The following TANC1 variants were observed in gnomAD, a reference collection of about 807,000 sequenced individuals.
TANC1 encodes the protein protein TANC1.
A neutral mutation model predicts 149.7 loss-of-function variants in TANC1; 77 were observed. That is an observed-to-expected ratio of 0.51 (90% CI 0.43 to 0.62). The LOEUF is 0.62. TANC1 is among the 20% of genes least tolerant of loss of function. The pLI, the probability that TANC1 is intolerant of heterozygous loss-of-function variation, is 0.00. For missense variants in TANC1, 1,985 were observed against 2,321.8 expected, an observed-to-expected ratio of 0.85 and a Z score of 2.98; for synonymous variants, 854 against 925.0, an observed-to-expected ratio of 0.92 and a Z score of 1.39.
intron 2 of TANC1, among the ~76,000 whole-genome samples, chr2:159,062,406 AAGG>A (rs1298202696): frequency 6.6e-6 from 1 of 152,216 alleles, no homozygotes; most frequent in African/African-American, 2.4e-5. Context: ...CTGTGTCAGA[AAGG>A]CTGGTTTGCA....
rs2060371548 is a variant in TANC1, at chr2:159,232,579, G to A, written c.*1567G>A. On this transcript the variant is annotated 3_prime_UTR_variant, in exon 27 of 27. Transcript: ENST00000263635. The stretch of plus-strand genomic sequence containing the variant: ...GGCTTATTTATTTTCTTTAATATTT[G>A]TGAAAGTCTTACTCCTTTGTTAGTT... 1 of 152,428 alleles carries A rather than the reference G, an allele frequency of 6.6e-6. No homozygotes were observed. The highest frequency in any genetic ancestry group is 2.1e-4 in the South Asian group (1 of 4,824). The allele number at this position is 152,428 out of a possible 1,614,324, so 9.4% of individuals were successfully genotyped here. A position where few individuals can be genotyped will look rare whatever the true frequency, so the allele number is the denominator to read the frequency against.
intron 2 of TANC1, among the ~76,000 whole-genome samples, chr2:159,042,184 TAGG>T (rs1553524451): frequency 6.6e-6 from 1 of 152,092 alleles, no homozygotes; most frequent in African/African-American, 2.4e-5. Flanking sequence ...TAAACAGACT[TAGG>T]AGGAGGAGAG....
chr2:158,969,609 C>A (rs989675019), intron 1 of TANC1, among the ~76,000 whole-genome samples: 2 of 152,200 alleles, frequency 1.3e-5, no homozygotes, highest in African/African-American at 4.8e-5. Flanking sequence ...TGCGGGGCTC[C>A]CGGCTTTGGC....
intron 2 of TANC1, among the ~76,000 whole-genome samples, chr2:159,012,230 AAAC>A (rs2037842204): frequency 1.3e-5 from 2 of 152,230 alleles, no homozygotes; most frequent in Admixed American, 1.3e-4. Context: ...GATTAAAAAC[AAAC>A]AACAACAAAA....
At chr2:159,197,626 CACAG>C (rs1394027972) in intron 18 of TANC1, among the ~76,000 whole-genome samples, 96 of 143,818 alleles carry the variant, frequency 6.7e-4, no homozygotes, top group Middle Eastern at 3.6e-3. Flanking sequence ...CACACACACA[CACAG>C]AGAGATACTG....
At chr2:159,206,581 G>A (rs2058622189) in intron 19 of TANC1, among the ~76,000 whole-genome samples, 1 of 152,206 alleles carries the variant, frequency 6.6e-6, no homozygotes, top group African/African-American at 2.4e-5. Context: ...CATTTTTCTA[G>A]TGAGTGATTC....
intron 1 of TANC1, among the ~76,000 whole-genome samples, chr2:158,969,045 CCCCGCGCCGG>C (rs2032407124): frequency 6.6e-6 from 1 of 152,140 alleles, no homozygotes; most frequent in Non-Finnish European, 1.5e-5. Flanking sequence ...TGCGCGGTTC[CCCCGCGCCGG>C]ACCGAGCCGG....
Position 159,172,219 on chromosome 2 carries a change from A to G in TANC1, c.1450A>G (p.Ser484Gly), listed in dbSNP as rs541175824. The G allele has an allele frequency of 6.2e-7, 1 of 1,614,184 alleles. No homozygotes were observed. Among genetic ancestry groups the G allele is most frequent in the African/African-American group, 1.3e-5 (1 of 75,062 alleles). Residue 484 changes from serine to glycine, a missense_variant, in exon 11 of 27, where the codon AGT becomes GGT. Around this residue, in one of 3 missense-constraint regions of TANC1, gnomAD observed 557 missense variants for 612.9 expected, o/e 0.91. Transcript: ENST00000263635. Reference sequence around the variant, plus strand: ...AGCTAAAACACCTCTTGGGTCTATCAGTGCTGAAAACCAGAGACCAAGAGA... The same window carrying G: ...AGCTAAAACACCTCTTGGGTCTATCGGTGCTGAAAACCAGAGACCAAGAGA... ...STAKTPLGSI[S>G]AENQRPREDA... is the part of the protein sequence containing the mutation.
chr2:159,013,595 T>C (rs1222496609), intron 2 of TANC1, among the ~76,000 whole-genome samples: 1 of 152,136 alleles, frequency 6.6e-6, no homozygotes, highest in Non-Finnish European at 1.5e-5. Context: ...GTTTTAGATT[T>C]CTCCCGTAAC....
intron 4 of TANC1, among the ~76,000 whole-genome samples, chr2:159,130,955 T>C (rs1167891179): frequency 6.6e-6 from 1 of 152,116 alleles, no homozygotes; most frequent in African/African-American, 2.4e-5. Flanking sequence ...TAAAAGCTGA[T>C]TGAAAGGGGT....
At chr2:159,029,790 G>C (rs1344084982) in intron 2 of TANC1, among the ~76,000 whole-genome samples, 1 of 152,126 alleles carries the variant, frequency 6.6e-6, no homozygotes, top group Non-Finnish European at 1.5e-5. Flanking sequence ...TGAACTCCTA[G>C]TCTCAAGTGA....
intron 4 of TANC1, among the ~76,000 whole-genome samples, chr2:159,101,355 TTGA>T (rs2046681679): frequency 6.6e-6 from 1 of 152,216 alleles, no homozygotes; most frequent in Admixed American, 6.5e-5. Flanking sequence ...GTTAATACAA[TTGA>T]TGATTACTTC....
chr2:159,035,471 A>T (rs980131907), intron 2 of TANC1, among the ~76,000 whole-genome samples: 1 of 152,248 alleles, frequency 6.6e-6, no homozygotes, highest in Non-Finnish European at 1.5e-5. Flanking sequence ...GTAAAAGTTC[A>T]TAATTTTTTT....
Position 159,230,656 on chromosome 2 carries a change from T to G in TANC1, c.5230T>G (p.Trp1744Gly). ...QQQSNPPSRS[W>G]HCPAPEGLLT... is the part of the protein sequence containing the mutation. ...GCAGAGCAATCCTCCAAGCCGCAGC[T>G]GGCACTGTCCGGCACCAGAGGGGCT... The change falls in exon 27 of 27, where the codon TGG becomes GGG. Residue 1744 changes from tryptophan (W) to glycine (G), a missense_variant. Physicochemically the swap from Trp to Gly is radical, Grantham distance 184. Transcript: ENST00000263635. This position sits in a 1 kb window ranked among gnomAD's most constrained non-coding sequence, Gnocchi z 4.4. The G allele has an allele frequency of 6.2e-7, 1 of 1,614,202 alleles. No individual in the cohort carries two copies. The highest frequency in any genetic ancestry group is 2.2e-5 in the East Asian group (1 of 44,884).
Position 159,230,239 on chromosome 2 carries a change from C to A in TANC1, c.4813C>A (p.Gln1605Lys). The A allele has an allele frequency of 6.2e-7, 1 of 1,613,984 alleles. No homozygotes were observed. The highest frequency in any genetic ancestry group is 1.1e-5 in the South Asian group (1 of 91,086). ...CTTTGGGGATCGGCTGGGCCCCAGC[C>A]AGAATGTCCGCCTGCAGTGTGGTGA... ...GHFGDRLGPS[Q>K]NVRLQCGENG... Residue 1605 changes from glutamine to lysine, a missense_variant, in exon 27 of 27, where the codon CAG (glutamine) becomes AAG (lysine). Around this residue, in one of 3 missense-constraint regions of TANC1, gnomAD observed 920 missense variants for 994.7 expected, o/e 0.92. Coordinates refer to ENST00000263635, the MANE Select transcript of TANC1 (RefSeq NM_033394.3). This position sits in a 1 kb window ranked among gnomAD's most constrained non-coding sequence, Gnocchi z 4.4.
At chr2:159,225,338 C>T (rs1014436955) in intron 23 of TANC1, 7 of 361,384 alleles carry the variant, frequency 1.9e-5, no homozygotes, top group African/African-American at 1.5e-4. Context: ...GTGCTGAGAA[C>T]ACATGCCTGC....
intron 2 of TANC1, among the ~76,000 whole-genome samples, chr2:159,014,071 A>G (rs951173363): frequency 6.6e-6 from 1 of 152,204 alleles, no homozygotes; most frequent in African/African-American, 2.4e-5. Context: ...TTACCTCTGT[A>G]TAAAGAATCT....
At chr2:159,005,243 C>T (rs1339764068) in intron 2 of TANC1, among the ~76,000 whole-genome samples, 1 of 152,128 alleles carries the variant, frequency 6.6e-6, no homozygotes, top group African/African-American at 2.4e-5. Flanking sequence ...AGTTTATGGT[C>T]AGATTTGGGG....
intron 2 of TANC1, among the ~76,000 whole-genome samples, chr2:159,013,184 G>C (rs2037938888): frequency 6.6e-6 from 1 of 152,162 alleles, no homozygotes; most frequent in Non-Finnish European, 1.5e-5. Flanking sequence ...AGCATAAAAT[G>C]TTGAAAATCA....
Sources: allele counts gnomAD v4.1 joint callset (sites outside exome capture counted in the v4.1 genomes callset), GRCh38; gene constraint gnomAD v4.1.1; regional missense constraint gnomAD v4.1.1; non-coding constraint Gnocchi (gnomAD v3.1); transcripts MANE v1.5; gene names NCBI Gene and HGNC (gene_info 2026-07-23, HGNC 2026-07-21).